Variants in AKAP19 observed in about 807,000 individuals in gnomAD.
AKAP19 encodes the protein small A-kinase anchoring protein.
chr2:189,981,147 C>G, the AKAP19 span, among the ~76,000 whole-genome samples: 1 of 152,164 alleles, frequency 6.6e-6, no homozygotes, highest in South Asian at 2.1e-4. Flanking sequence ...GTATGGCTCT[C>G]TCTTAGGTCT....
the AKAP19 span, among the ~76,000 whole-genome samples, chr2:190,090,248 C>T: frequency 1.3e-5 from 2 of 152,134 alleles, no homozygotes; most frequent in Non-Finnish European, 2.9e-5. Flanking sequence ...GCGAAGAAAG[C>T]CTTCTATACA....
the AKAP19 span, among the ~76,000 whole-genome samples, chr2:189,959,268 C>A: frequency 6.6e-6 from 1 of 152,048 alleles, no homozygotes; most frequent in Non-Finnish European, 1.5e-5. Context: ...ATTATACATG[C>A]TTTCCCTTCC....
the AKAP19 span, among the ~76,000 whole-genome samples, chr2:189,936,259 T>TACAC: frequency 0.06 from 8,902 of 148,954 alleles, 573 homozygotes; most frequent in African/African-American, 0.17. Context: ...GACTTGTTGA[T>TACAC]ACACACACAC....
chr2:189,930,896 A>AT, the AKAP19 span: 1 of 715,712 alleles, frequency 1.4e-6, no homozygotes, highest in Non-Finnish European at 2.6e-6. Flanking sequence ...TGTTCCTGAT[A>AT]TGGCAGCGGC....
At chr2:189,977,047 A>G in the AKAP19 span, among the ~76,000 whole-genome samples, 1 of 152,110 alleles carries the variant, frequency 6.6e-6, no homozygotes, top group Non-Finnish European at 1.5e-5. Context: ...AAATGCAGAA[A>G]TCACCCGTCC....
At chr2:190,180,477 C>T in the AKAP19 span, 2 of 985,454 alleles carry the variant, frequency 2.0e-6, no homozygotes, top group African/African-American at 1.7e-5. The surrounding 1 kb of genome is among the most constrained non-coding windows in gnomAD (Gnocchi z 6.8). Context: ...CTCGCTGGCT[C>T]TTACTTTCAT....
chr2:190,079,901 G>GAA, the AKAP19 span: 71 of 151,810 alleles, frequency 4.7e-4, 1 homozygote, highest in African/African-American at 1.6e-3. Context: ...GAGAGAGAGA[G>GAA]AGAGAGAGAA....
At chr2:190,107,170 G>A in the AKAP19 span, among the ~76,000 whole-genome samples, 1 of 151,342 alleles carries the variant, frequency 6.6e-6, no homozygotes, top group African/African-American at 2.4e-5. Flanking sequence ...TGAGAGGAGG[G>A]TGATGTAGTG....
chr2:189,952,790 A>G, the AKAP19 span, among the ~76,000 whole-genome samples: 3 of 152,218 alleles, frequency 2.0e-5, no homozygotes, highest in African/African-American at 4.8e-5. Flanking sequence ...CTTTGAATGT[A>G]TAGTCTGAGG....
At chr2:190,187,359 T>C in the AKAP19 span, among the ~76,000 whole-genome samples, 1 of 151,904 alleles carries the variant, frequency 6.6e-6, no homozygotes, top group South Asian at 2.1e-4. Flanking sequence ...TAAGATGGAC[T>C]TCTGGGGAGT....
At chr2:189,960,383 T>A in the AKAP19 span, among the ~76,000 whole-genome samples, 1 of 152,130 alleles carries the variant, frequency 6.6e-6, no homozygotes, top group Non-Finnish European at 1.5e-5. Context: ...CTTAGGCAGC[T>A]CCTCCCCTCT....
the AKAP19 span, among the ~76,000 whole-genome samples, chr2:190,071,652 T>C: frequency 3.3e-5 from 5 of 152,144 alleles, no homozygotes; most frequent in East Asian, 9.6e-4. Flanking sequence ...AATGTGTCAA[T>C]AATAATACCA....
the AKAP19 span, among the ~76,000 whole-genome samples, chr2:189,961,536 T>C: frequency 6.6e-6 from 1 of 152,170 alleles, no homozygotes; most frequent in East Asian, 1.9e-4. Context: ...CTTTAAAACA[T>C]ATATTTTATA....
chr2:190,144,033 A>C, the AKAP19 span, among the ~76,000 whole-genome samples: 1 of 55,478 alleles, frequency 1.8e-5, no homozygotes, highest in South Asian at 7.6e-4. Flanking sequence ...GGGTGGGGGG[A>C]GGGGGGAGGG....
the AKAP19 span, among the ~76,000 whole-genome samples, chr2:190,054,532 A>C: frequency 6.6e-6 from 1 of 152,220 alleles, no homozygotes. Flanking sequence ...AGAAACTACC[A>C]TCAGAGTGAC....
chr2:190,092,419 G>A, the AKAP19 span, among the ~76,000 whole-genome samples: 20 of 151,906 alleles, frequency 1.3e-4, no homozygotes, highest in Non-Finnish European at 2.4e-4. Flanking sequence ...CCTGGGTCTC[G>A]GGGGTAAGGG....
chr2:189,951,194 CTTTTTTTTTTTTTT>C, the AKAP19 span, among the ~76,000 whole-genome samples: 1 of 60,408 alleles, frequency 1.7e-5, no homozygotes, highest in Non-Finnish European at 2.9e-5. Flanking sequence ...CTGAATCCTC[CTTTTTTTTTTTTTT>C]TTTTTTTTTT....
chr2:190,175,927 A>G, the AKAP19 span, among the ~76,000 whole-genome samples: 1 of 152,126 alleles, frequency 6.6e-6, no homozygotes, highest in Non-Finnish European at 1.5e-5. Flanking sequence ...ATGGGATTAA[A>G]ACCCCTTTAA....
At chr2:189,988,907 CTCTT>C in the AKAP19 span, among the ~76,000 whole-genome samples, 1 of 152,194 alleles carries the variant, frequency 6.6e-6, no homozygotes. Flanking sequence ...CTGATTTTCT[CTCTT>C]TCTTCTTCCT....
Sources: allele counts gnomAD v4.1 joint callset (sites outside exome capture counted in the v4.1 genomes callset), GRCh38; gene constraint gnomAD v4.1.1; non-coding constraint Gnocchi (gnomAD v3.1); transcripts MANE v1.5; gene names NCBI Gene and HGNC (gene_info 2026-07-23, HGNC 2026-07-21).